The following TOPBP1 variants were observed in gnomAD, a reference collection of about 807,000 sequenced individuals.
The protein encoded by TOPBP1 is DNA topoisomerase II binding protein 1.
TOPBP1 carries 28 observed loss-of-function variants against 167.7 expected under a neutral mutation model. The observed-to-expected ratio is 0.17, with a 90% confidence interval of 0.12 to 0.23. The LOEUF (loss-of-function observed/expected upper bound fraction) is 0.23. Ranked by LOEUF, TOPBP1 falls within the 10% of genes least tolerant of loss-of-function variation. The pLI, the probability that TOPBP1 is intolerant of heterozygous loss-of-function variation, is 1.00. For missense variants in TOPBP1, 1,554 were observed against 1,809.6 expected, an observed-to-expected ratio of 0.86 and a Z score of 2.56; for synonymous variants, 598 against 611.4, an observed-to-expected ratio of 0.98 and a Z score of 0.32.
intron 27 of TOPBP1, among the ~76,000 whole-genome samples, chr3:133,602,894 T>C (rs1299760090): frequency 7.0e-6 from 1 of 143,852 alleles, no homozygotes; most frequent in African/African-American, 2.6e-5. Context: ...CTTTTTTCAT[T>C]TTTTTTTTTT....
intron 2 of TOPBP1, among the ~76,000 whole-genome samples, chr3:133,660,593 G>T (rs1040027003): frequency 3.9e-5 from 6 of 152,170 alleles, no homozygotes; most frequent in Non-Finnish European, 8.8e-5. Context: ...GAAACTTCCA[G>T]GCCATGCTGA....
intron 8 of TOPBP1, among the ~76,000 whole-genome samples, chr3:133,651,460 G>A (rs1355159193): frequency 1.3e-5 from 2 of 152,034 alleles, no homozygotes; most frequent in African/African-American, 4.8e-5. Context: ...AAAGTGCTGG[G>A]ATTACAGGCA....
intron 1 of TOPBP1, 145 bp from the exon 2 acceptor site, chr3:133,661,279 T>C (rs773071433): frequency 3.3e-6 from 2 of 605,054 alleles, no homozygotes; most frequent in Middle Eastern, 3.3e-4. Flanking sequence ...ACGGCATTTC[T>C]AAGAAATCCT....
chr3:133,650,362 T>TGG (rs138047875), intron 8 of TOPBP1, among the ~76,000 whole-genome samples: 118 of 95,676 alleles, frequency 1.2e-3, no homozygotes, highest in Admixed American at 1.6e-3. Flanking sequence ...ATTGTGTGTG[T>TGG]GTGGGGGGCG....
Position 133,643,451 on chromosome 3 carries a change from A to G in TOPBP1, c.1849-79T>C, listed in dbSNP as rs1935966684. 20 of 1,280,402 alleles carry G rather than the reference A, an allele frequency of 1.6e-5. No individual in the cohort carries two copies. The South Asian group carries it at 2.8e-4, about 18-fold the overall frequency. The allele number at this position is 1,280,402 out of a possible 1,614,324, so 79.3% of individuals were successfully genotyped here. A position where few individuals can be genotyped will look rare whatever the true frequency, so the allele number is the denominator to read the frequency against. On this transcript the variant is annotated intron_variant, in intron 11 of 27. Transcript: ENST00000260810. ...TAACACTGGTTCAGGTACAGAAGCA[A>G]TAATTTAGTTTTGATAAGAAGAAAT...
intron 23 of TOPBP1, among the ~76,000 whole-genome samples, chr3:133,615,961 C>T (rs1934857913): frequency 6.6e-6 from 1 of 152,082 alleles, no homozygotes; most frequent in Non-Finnish European, 1.5e-5. Flanking sequence ...CTATGTGGTT[C>T]ACATTCTGTT....
Position 133,623,365 on chromosome 3 carries a change from G to T in TOPBP1, c.3021C>A (p.Gly1007=). ...MSLDISAVQD[G]RLCNSRLLSA... ...AGAGTAGTCGACTATTACAGAGCCG[G>T]CCATCTTGCACTGCGCTGATATCCA... is the stretch of plus-strand genomic sequence containing the variant. Residue 1007 remains glycine (G), a synonymous_variant, in exon 18 of 28, where the codon GGC becomes GGA. Coordinates refer to ENST00000260810, the MANE Select transcript of TOPBP1 (RefSeq NM_007027.4). The T allele has an allele frequency of 2.5e-6, 4 of 1,613,388 alleles. No homozygotes were observed. The South Asian group carries it at 4.4e-5, about 18-fold the overall frequency.
chr3:133,606,458 T>C lies in TOPBP1; in HGVS notation c.4425+2077A>G, dbSNP rs185916604. On this transcript the variant is annotated intron_variant, in intron 27 of 27. Coordinates refer to ENST00000260810, the MANE Select transcript of TOPBP1 (RefSeq NM_007027.4). ...TGTTTACTGTCCTCAAGTTGGTCTA[T>C]AGAGTCAGTGCAATCCTAATCTTAA... 1.4e-3 allele frequency among the ~76,000 whole-genome samples: 216 copies of C among 150,878 alleles called. 4 individuals carry two copies. The highest frequency in any genetic ancestry group is 5.1e-3 in the African/African-American group (209 of 41,096).
rs767794050 is a variant in TOPBP1, at chr3:133,620,315, A to C, written c.3211T>G (p.Phe1071Val). Reference protein sequence around the residue: ...LTQTLEMRENFQKQLQEIMSA... With the variant: ...LTQTLEMRENVQKQLQEIMSA... ...ATTATCTCCTGTAACTGCTTCTGAAAGTTCTCTCTCATCTCTAAGGTCTGT... is the reference window on the plus strand; with the variant it reads ...ATTATCTCCTGTAACTGCTTCTGAACGTTCTCTCTCATCTCTAAGGTCTGT... The change falls in exon 20 of 28, where the codon TTT (phenylalanine) becomes GTT (valine). Residue 1071 changes from phenylalanine (F) to valine (V), a missense_variant. By Grantham distance (50) the Phe-to-Val change is conservative. Transcript: ENST00000260810. 6.2e-7 allele frequency: 1 copy of C among 1,613,848 alleles called. No individual in the cohort carries two copies. Among genetic ancestry groups the C allele is most frequent in the African/African-American group, 1.3e-5 (1 of 74,912 alleles).
chr3:133,660,613 G>A (rs1364014057), intron 2 of TOPBP1, among the ~76,000 whole-genome samples: 1 of 152,166 alleles, frequency 6.6e-6, no homozygotes, highest in African/African-American at 2.4e-5. Context: ...ATACTGCTGG[G>A]TTCTGTGAGA....
rs1044543566 is a variant in TOPBP1 at position 133,653,188 on chromosome 3, A to C, written c.922+157T>G. ...AGAAAATTACGAACAGTTCAGTGCT[A>C]ACTTTTTATACAATTTGACTATTAT... On this transcript the variant is annotated intron_variant, in intron 7 of 27. Transcript: ENST00000260810. Among the ~76,000 whole-genome samples, 3 of 152,228 alleles carry C rather than the reference A, an allele frequency of 2.0e-5. No individual in the cohort carries two copies. In the East Asian group the frequency reaches 5.8e-4, roughly 29 times the overall value.
intron 19 of TOPBP1, 86 bp downstream of exon 19, chr3:133,623,005 G>A (rs1343143275): frequency 1.4e-6 from 1 of 723,066 alleles, no homozygotes; most frequent in Non-Finnish European, 2.2e-6. Context: ...GACCAGTGTG[G>A]GCAAGATGAC....
In TOPBP1 at chr3:133,644,063, T is replaced by C. The variant is rs769127112; in HGVS notation, c.1805A>G (p.Glu602Gly). 12 of 1,611,648 alleles carry C rather than the reference T, an allele frequency of 7.4e-6. No individual in the cohort carries two copies. The highest frequency in any genetic ancestry group is 1.0e-5 in the Non-Finnish European group (12 of 1,179,102). The change falls in exon 11 of 28, where the codon GAA becomes GGA. Residue 602 changes from glutamate to glycine, a missense_variant. Transcript: ENST00000260810. Reference protein sequence around the residue: ...DYAVVPLLGCEVEATVGEVVT... With the variant: ...DYAVVPLLGCGVEATVGEVVT... Reference sequence around the variant, plus strand: ...AACTTCTCCCACAGTGGCTTCCACTTCACACCCCAGCAGAGGAACCACAGC... The same window carrying C: ...AACTTCTCCCACAGTGGCTTCCACTCCACACCCCAGCAGAGGAACCACAGC...
intron 7 of TOPBP1, among the ~76,000 whole-genome samples, chr3:133,652,946 C>T (rs184327583): frequency 1.7e-4 from 26 of 152,258 alleles, no homozygotes; most frequent in African/African-American, 3.9e-4. Flanking sequence ...TTTGCCAACA[C>T]GACACCTACA....
Position 133,621,178 on chromosome 3 carries a change from A to G in TOPBP1, c.3179-831T>C, listed in dbSNP as rs375550071. 5.7e-4 allele frequency among the ~76,000 whole-genome samples: 86 copies of G among 152,114 alleles called. 1 individual carries two copies. The highest frequency in any genetic ancestry group is 3.4e-3 in the Middle Eastern group (1 of 294). On this transcript the variant is annotated intron_variant, in intron 19 of 27. Coordinates refer to ENST00000260810, the MANE Select transcript of TOPBP1 (RefSeq NM_007027.4). ...AGGTGTACATTACCACGCCCAGCTA[A>G]TTTTTTAAATTTTTTGTAGAGACAA...
chr3:133,623,067 T>A (rs749189869), intron 19 of TOPBP1, 24 bp downstream of exon 19: 7 of 1,440,138 alleles, frequency 4.9e-6, no homozygotes, highest in Admixed American at 2.6e-5. Flanking sequence ...AAAATTTTTT[T>A]AATTAAAAAA....
chr3:133,614,982 T>TAAA (rs1934812394), intron 23 of TOPBP1, among the ~76,000 whole-genome samples: 1 of 146,674 alleles, frequency 6.8e-6, no homozygotes, highest in African/African-American at 2.5e-5. Context: ...ATAATAATAA[T>TAAA]AATAAAAAAA....
At chr3:133,624,379 CT>C (rs1200821854) in intron 16 of TOPBP1, among the ~76,000 whole-genome samples, 1 of 152,094 alleles carries the variant, frequency 6.6e-6, no homozygotes, top group Non-Finnish European at 1.5e-5. Context: ...CAGGAGGACA[CT>C]TGAGGCCAGG....
chr3:133,627,754 C>T (rs912328712), intron 16 of TOPBP1, among the ~76,000 whole-genome samples: 1 of 151,986 alleles, frequency 6.6e-6, no homozygotes, highest in Non-Finnish European at 1.5e-5. Context: ...TCAGGACTGG[C>T]TGAAATAGGT....
Sources: gnomAD v4.1 joint callset for allele counts (sites outside exome capture counted in the v4.1 genomes callset) on GRCh38, gnomAD v4.1.1 for gene constraint, MANE v1.5 for transcripts, NCBI Gene and HGNC (gene_info 2026-07-23, HGNC 2026-07-21) for gene names.